SPAG16: variants seen among roughly 807,000 people sequenced by gnomAD.
SPAG16 encodes sperm associated antigen 16.
A neutral mutation model predicts 80.4 loss-of-function variants in SPAG16; 86 were observed. The observed-to-expected ratio is 1.07, with a 90% confidence interval of 0.90 to 1.28. The LOEUF is 1.28. SPAG16 is among the 50% of genes most tolerant of loss of function. The pLI, the probability that SPAG16 is intolerant of heterozygous loss-of-function variation, is 0.00. For synonymous variants in SPAG16, 294 were observed against 265.9 expected (o/e 1.11, Z -1.03); for missense variants, 870 against 765.3 (o/e 1.14, Z -1.61).
intron 9 of SPAG16, among the ~76,000 whole-genome samples, chr2:213,391,072 A>G (rs901995405): frequency 1.3e-5 from 2 of 152,182 alleles, no homozygotes; most frequent in African/African-American, 4.8e-5. Flanking sequence ...GTTCAAGACC[A>G]GCCTGACCAA....
intron 12 of SPAG16, among the ~76,000 whole-genome samples, chr2:213,934,174 C>T (rs1012494582): frequency 2.6e-5 from 4 of 152,326 alleles, no homozygotes; most frequent in African/African-American, 4.8e-5. Flanking sequence ...TTCAGTACCA[C>T]GGCAAAGTTC....
At chr2:214,039,950 G>A (rs2048917996) in intron 13 of SPAG16, among the ~76,000 whole-genome samples, 2 of 152,264 alleles carry the variant, frequency 1.3e-5, no homozygotes, top group South Asian at 4.1e-4. Flanking sequence ...TTGGCTAGGG[G>A]TACAGTCATA....
intron 14 of SPAG16, among the ~76,000 whole-genome samples, chr2:214,110,384 G>T (rs1191782366): frequency 2.0e-5 from 3 of 152,048 alleles, no homozygotes; most frequent in African/African-American, 7.2e-5. Context: ...AGAACATGCG[G>T]TGTTTGGTTT....
chr2:213,757,923 A>T (rs561329369), intron 10 of SPAG16: 97 of 152,350 alleles, frequency 6.4e-4, no homozygotes, highest in African/African-American at 2.1e-3. Flanking sequence ...CTGCTGGCTG[A>T]AGTGACTTCC....
At chr2:214,082,499 T>C (rs1401178842) in intron 13 of SPAG16, among the ~76,000 whole-genome samples, 1 of 152,158 alleles carries the variant, frequency 6.6e-6, no homozygotes, top group African/African-American at 2.4e-5. Context: ...TCCACTATTT[T>C]TGATGTCTAC....
At chr2:214,045,540 C>T (rs2049269498) in intron 13 of SPAG16, among the ~76,000 whole-genome samples, 1 of 152,154 alleles carries the variant, frequency 6.6e-6, no homozygotes, top group South Asian at 2.1e-4. Flanking sequence ...TGTCTTTCAC[C>T]TTAGATATCA....
chr2:214,207,528 G>T (rs1056128944), intron 15 of SPAG16, among the ~76,000 whole-genome samples: 1 of 152,060 alleles, frequency 6.6e-6, no homozygotes. Flanking sequence ...GCCCCAAAAG[G>T]TGGCCTTATT....
chr2:213,955,754 T>G (rs1173026987), intron 12 of SPAG16, among the ~76,000 whole-genome samples: 1 of 152,110 alleles, frequency 6.6e-6, no homozygotes, highest in Non-Finnish European at 1.5e-5. Context: ...GTTCATTTCA[T>G]CCACACTATC....
intron 12 of SPAG16, among the ~76,000 whole-genome samples, chr2:213,965,613 G>A (rs1474198301): frequency 1.3e-5 from 2 of 152,106 alleles, no homozygotes; most frequent in Non-Finnish European, 1.5e-5. Flanking sequence ...TCTGTTAAGC[G>A]TTTCAATTTT....
At chr2:213,752,644 G>T (rs561121260) in intron 10 of SPAG16, among the ~76,000 whole-genome samples, 23 of 152,228 alleles carry the variant, frequency 1.5e-4, no homozygotes, top group African/African-American at 5.5e-4. Context: ...TGTTGCCTTG[G>T]TTTTGTATTT....
intron 15 of SPAG16, among the ~76,000 whole-genome samples, chr2:214,228,439 C>T (rs1401250849): frequency 6.6e-6 from 1 of 151,506 alleles, no homozygotes; most frequent in East Asian, 1.9e-4. Flanking sequence ...TTTTAAGCTA[C>T]CAAGGATTGG....
intron 15 of SPAG16, among the ~76,000 whole-genome samples, chr2:214,338,486 A>G (rs1235037568): frequency 1.3e-5 from 2 of 152,226 alleles, no homozygotes; most frequent in Admixed American, 1.3e-4. Context: ...CCTGGGCAAC[A>G]GAGCAAGACT....
chr2:213,733,568 A>G (rs1267311323), intron 10 of SPAG16, among the ~76,000 whole-genome samples: 1 of 151,348 alleles, frequency 6.6e-6, no homozygotes. Flanking sequence ...AGTAAAGCAA[A>G]CAAAAATGTA....
chr2:214,265,004 C>G (rs1313149930), intron 15 of SPAG16, among the ~76,000 whole-genome samples: 1 of 152,098 alleles, frequency 6.6e-6, no homozygotes, highest in South Asian at 2.1e-4. Context: ...TATGGCTTTA[C>G]TACAGTTTGT....
intron 9 of SPAG16, among the ~76,000 whole-genome samples, chr2:213,477,315 A>G (rs1001503852): frequency 3.3e-5 from 5 of 152,160 alleles, no homozygotes; most frequent in Admixed American, 6.5e-5. Flanking sequence ...TGCCTAATAA[A>G]GCTGTGAGAA....
intron 15 of SPAG16, among the ~76,000 whole-genome samples, chr2:214,354,029 A>C (rs1698598383): frequency 1.3e-5 from 2 of 152,106 alleles, no homozygotes; most frequent in Admixed American, 1.3e-4. Context: ...ATCCCATTTT[A>C]AGTGATGTGA....
At chr2:214,058,951 A>T (rs2050086460) in intron 13 of SPAG16, among the ~76,000 whole-genome samples, 1 of 152,132 alleles carries the variant, frequency 6.6e-6, no homozygotes, top group Admixed American at 6.5e-5. Context: ...GTTGCAGGAC[A>T]TGGGGATCAC....
intron 10 of SPAG16, among the ~76,000 whole-genome samples, chr2:213,572,957 C>T (rs1231154147): frequency 6.6e-6 from 1 of 152,208 alleles, no homozygotes; most frequent in Non-Finnish European, 1.5e-5. Context: ...GCTTTTTAAG[C>T]CGGTCTGAAA....
At chr2:213,908,873 T>G (rs1347086193) in intron 11 of SPAG16, among the ~76,000 whole-genome samples, 4 of 151,856 alleles carry the variant, frequency 2.6e-5, no homozygotes, top group African/African-American at 9.7e-5. Flanking sequence ...GCTGCACCCA[T>G]TAACTCATCA....
Sources: gnomAD v4.1 joint callset for allele counts (sites outside exome capture counted in the v4.1 genomes callset) on GRCh38, gnomAD v4.1.1 for gene constraint, MANE v1.5 for transcripts, NCBI Gene and HGNC (gene_info 2026-07-23, HGNC 2026-07-21) for gene names.